KIF13B: variants seen among roughly 807,000 people sequenced by gnomAD.
The protein encoded by KIF13B is kinesin family member 13B.
KIF13B carries 127 observed loss-of-function variants against 222.0 expected under a neutral mutation model. That is an observed-to-expected ratio of 0.57 (90% CI 0.50 to 0.66). The LOEUF (loss-of-function observed/expected upper bound fraction) is 0.66. KIF13B is among the 30% of genes least tolerant of loss of function. The probability of loss-of-function intolerance (pLI) is 0.00; values close to 1 mark genes in which losing one functional copy is unlikely to be tolerated. For synonymous variants in KIF13B, 976 were observed against 919.0 expected (o/e 1.06, Z -1.12); for missense variants, 2,173 against 2,379.0 (o/e 0.91, Z 1.80).
chr8:29,089,819 AG>A (rs1156486628), intron 37 of KIF13B, among the ~76,000 whole-genome samples: 1 of 151,086 alleles, frequency 6.6e-6, no homozygotes, highest in Non-Finnish European at 1.5e-5. Flanking sequence ...CCTTGAACCC[AG>A]GAAGTGGAGG....
At chr8:29,188,403 T>A (rs1813034455) in intron 5 of KIF13B, 112 bp downstream of exon 5, 13 of 624,836 alleles carry the variant, frequency 2.1e-5, no homozygotes, top group Non-Finnish European at 3.5e-5. Context: ...CAGTACTTTC[T>A]GAAAGCAAAA....
At chr8:29,218,850 G>C (rs1814611937) in intron 2 of KIF13B, 3 of 152,240 alleles carry the variant, frequency 2.0e-5, no homozygotes, top group Admixed American at 2.0e-4. Flanking sequence ...ACAGCCAAGG[G>C]AGAGCCTGAC....
At position 29,070,755 on chromosome 8, in the gene KIF13B, C is replaced by T. The variant is rs202164524; in HGVS notation, c.5230G>A (p.Gly1744Ser). The T allele has an allele frequency of 1.2e-4, 183 of 1,587,974 alleles. No homozygotes were observed. Among genetic ancestry groups the T allele is most frequent in the Non-Finnish European group, 1.1e-4 (128 of 1,167,950 alleles). Residue 1744 changes from glycine to serine, a missense_variant, in exon 40 of 40, where the codon GGT becomes AGT. By Grantham distance (56) the Gly-to-Ser change is moderately conservative. Coordinates refer to ENST00000524189, the MANE Select transcript of KIF13B (RefSeq NM_015254.4). This position sits in a 1 kb window ranked among gnomAD's most constrained non-coding sequence, Gnocchi z 4.1. The part of the protein sequence containing the change: ...ELDLPSGKND[G>S]SIGGKQYFRC... Reference sequence around the variant, plus strand: ...AAGTACTGCTTCCCGCCGATGGAACCGTCATTCTTACCTGCGGGGGAAGGA... The same window carrying T: ...AAGTACTGCTTCCCGCCGATGGAACTGTCATTCTTACCTGCGGGGGAAGGA...
In KIF13B at chr8:29,241,728, C is replaced by G. The variant is rs77115316; in HGVS notation, c.149+3618G>C. The stretch of plus-strand genomic sequence containing the variant: ...AGGGAAAAAAAAAAAAAAAAAAAAG[C>G]CTTTTCCACATAAGAATGTCCTCCA... On this transcript the variant is annotated intron_variant, in intron 2 of 39. Coordinates refer to ENST00000524189, the MANE Select transcript of KIF13B (RefSeq NM_015254.4). Among the ~76,000 whole-genome samples, 25 of 143,956 alleles carry G rather than the reference C, an allele frequency of 1.7e-4. 1 individual carries two copies. The highest frequency in any genetic ancestry group is 2.2e-4 in the South Asian group (1 of 4,528). 94.4% of individuals were successfully genotyped at this position (143,956 alleles called of 152,430 possible). A position where few individuals can be genotyped will look rare whatever the true frequency, so the allele number is the denominator to read the frequency against.
chr8:29,070,543 G>T lies in KIF13B; in HGVS notation c.5442C>A (p.Ser1814Arg). ...ATTTCCGGTTCTCAGGGTTCTTGTG[G>T]CTCCTGTCGGCCTTGGCCAGGGCAG... ...LTAALAKADRSHKNPENRKSW... is the reference protein window; with the variant it reads ...LTAALAKADRRHKNPENRKSW... The change falls in exon 40 of 40, where the codon AGC becomes AGA. Residue 1814 changes from serine (S) to arginine (R), a missense_variant. Physicochemically the swap from Ser to Arg is moderately radical, Grantham distance 110. This residue lies in a region of KIF13B where 693 missense variants were observed against 656.2 expected (regional missense o/e 1.06). Transcript: ENST00000524189. The surrounding 1 kb of genome is among the most constrained non-coding windows in gnomAD (Gnocchi z 4.1). The T allele has an allele frequency of 6.2e-7, 1 of 1,609,582 alleles. No homozygotes were observed. The highest frequency in any genetic ancestry group is 1.1e-5 in the South Asian group (1 of 90,434).
chr8:29,107,935 A>T (rs1192263456), intron 35 of KIF13B, among the ~76,000 whole-genome samples: 1 of 152,230 alleles, frequency 6.6e-6, no homozygotes, highest in Non-Finnish European at 1.5e-5. Flanking sequence ...ATTGTTTTTC[A>T]ACCCCAGTAG....
intron 8 of KIF13B, among the ~76,000 whole-genome samples, chr8:29,178,280 TA>T (rs138145523): frequency 0.092 from 13,815 of 149,506 alleles, 865 homozygotes; most frequent in Non-Finnish European, 0.13. Context: ...AATTCTGACA[TA>T]AAAAAAAAAT....
chr8:29,204,824 C>T (rs958207729), intron 2 of KIF13B, among the ~76,000 whole-genome samples: 2 of 151,402 alleles, frequency 1.3e-5, no homozygotes, highest in East Asian at 3.9e-4. Context: ...AAGAAAGCTT[C>T]TAATTTTTAT....
At chr8:29,211,185 G>C (rs951695756) in intron 2 of KIF13B, among the ~76,000 whole-genome samples, 2 of 152,204 alleles carry the variant, frequency 1.3e-5, no homozygotes, top group Non-Finnish European at 2.9e-5. Context: ...TAAGAACCTC[G>C]GAGAGGGCAC....
rs1256962992 is a variant in KIF13B, at chr8:29,095,008, G to A, written c.4325-2130C>T. On this transcript the variant is annotated intron_variant, in intron 36 of 39. Transcript: ENST00000524189. ...AAGAACAGAGCCTCTGTGACCTGTA[G>A]GACAATATTAAACAATCTAACCTAT... Among the ~76,000 whole-genome samples, 5 of 149,954 alleles carry A rather than the reference G, an allele frequency of 3.3e-5. No homozygotes were observed. The East Asian group carries it at 5.8e-4, about 18-fold the overall frequency.
chr8:29,175,695 G>A (rs1047332682), intron 10 of KIF13B, among the ~76,000 whole-genome samples: 4 of 152,222 alleles, frequency 2.6e-5, no homozygotes, highest in South Asian at 2.1e-4. Flanking sequence ...CCCAACAAAA[G>A]GAGTCTGTGG....
intron 10 of KIF13B, among the ~76,000 whole-genome samples, chr8:29,173,959 C>T (rs919686394): frequency 1.5e-5 from 2 of 132,816 alleles, no homozygotes; most frequent in Non-Finnish European, 3.3e-5. Flanking sequence ...AAAAAAAAAA[C>T]TCATTTGGTA....
At chr8:29,084,435 A>G (rs1342563632) in intron 37 of KIF13B, among the ~76,000 whole-genome samples, 39 of 152,256 alleles carry the variant, frequency 2.6e-4, no homozygotes. Context: ...AATTAGCATC[A>G]GAGATGGGCA....
chr8:29,248,982 T>C (rs184806824), intron 1 of KIF13B, among the ~76,000 whole-genome samples: 6 of 152,268 alleles, frequency 3.9e-5, no homozygotes, highest in African/African-American at 1.4e-4. Flanking sequence ...AAACACTGAA[T>C]TGGTTGAATT....
chr8:29,119,059 T>C (rs1809735928), intron 29 of KIF13B, 67 bp from the exon 30 acceptor site: 7 of 1,478,612 alleles, frequency 4.7e-6, no homozygotes, highest in Non-Finnish European at 6.5e-6. Flanking sequence ...CAGCTAAATT[T>C]CAATGTGATT....
chr8:29,186,970 A>G (rs1323916518), intron 5 of KIF13B, among the ~76,000 whole-genome samples: 5 of 135,332 alleles, frequency 3.7e-5, no homozygotes, highest in Admixed American at 1.5e-4. Flanking sequence ...CTCCATCTCC[A>G]AAAAAAAAAA....
chr8:29,186,777 G>A (rs1311841947), intron 5 of KIF13B, among the ~76,000 whole-genome samples: 5 of 151,640 alleles, frequency 3.3e-5, no homozygotes, highest in Admixed American at 2.6e-4. Context: ...TGGGCAACAA[G>A]GTGAAACCCC....
chr8:29,228,247 C>G (rs1180452921), intron 2 of KIF13B, among the ~76,000 whole-genome samples: 1 of 151,362 alleles, frequency 6.6e-6, no homozygotes, highest in Non-Finnish European at 1.5e-5. Flanking sequence ...AGGTGGATCA[C>G]AAGGTCAGGA....
At chr8:29,143,944 A>G (rs1245488584) in intron 18 of KIF13B, among the ~76,000 whole-genome samples, 1 of 151,970 alleles carries the variant, frequency 6.6e-6, no homozygotes, top group Non-Finnish European at 1.5e-5. Flanking sequence ...TTTCCAGCTT[A>G]TAAGAGCAAT....
Sources: gnomAD v4.1 joint callset for allele counts (sites outside exome capture counted in the v4.1 genomes callset) on GRCh38, gnomAD v4.1.1 for gene constraint, gnomAD v4.1.1 regional missense constraint, Gnocchi (gnomAD v3.1) non-coding constraint, MANE v1.5 for transcripts, NCBI Gene and HGNC (gene_info 2026-07-23, HGNC 2026-07-21) for gene names.